FGFR3: variants seen among roughly 807,000 people sequenced by gnomAD.
FGFR3 encodes fibroblast growth factor receptor 3, also known as FGFR-3.
In FGFR3, 25 loss-of-function variants were observed where a neutral mutation model predicts 82.9. That is an observed-to-expected ratio of 0.30 (90% CI 0.22 to 0.42). The LOEUF (loss-of-function observed/expected upper bound fraction) is 0.42, where lower values mean the gene tolerates loss of function less well. Ranked by LOEUF, FGFR3 falls within the 10% of genes least tolerant of loss-of-function variation. The pLI is 1.00. For synonymous variants in FGFR3, 620 were observed against 516.0 expected, an observed-to-expected ratio of 1.20 and a Z score of -2.73; for missense variants, 1,026 against 1,161.0, an observed-to-expected ratio of 0.88 and a Z score of 1.69.
rs774439963 is a variant in FGFR3 at position 1,803,710 on chromosome 4, A to G, written c.949A>G (p.Thr317Ala). 5.6e-6 allele frequency: 9 copies of G among 1,613,726 alleles called. 1 individual carries two copies. The African/African-American group carries it at 8.0e-5, about 14-fold the overall frequency. Reference protein sequence around the residue: ...TVLKTAGANTTDKELEVLSLH... With the variant: ...TVLKTAGANTADKELEVLSLH... Reference sequence around the variant, plus strand: ...TTTGTAGACGGCGGGCGCTAACACCACCGACAAGGAGCTAGAGGTTCTCTC... The same window carrying G: ...TTTGTAGACGGCGGGCGCTAACACCGCCGACAAGGAGCTAGAGGTTCTCTC... The change falls in exon 8 of 18, where the codon ACC becomes GCC. Residue 317 changes from threonine to alanine, a missense_variant. By Grantham distance (58) the Thr-to-Ala change is moderately conservative. This residue lies in a region of FGFR3 where 256 missense variants were observed against 217.6 expected (regional missense o/e 1.18). Coordinates refer to ENST00000440486, the MANE Select transcript of FGFR3 (RefSeq NM_000142.5).
At chr4:1,804,758 C>T (rs576340291) in intron 9 of FGFR3, 66 bp from the exon 10 acceptor site, 7 of 1,542,668 alleles carry the variant, frequency 4.5e-6, no homozygotes, top group South Asian at 3.6e-5. Flanking sequence ...CCAGCACTGA[C>T]CCCCGGCTGT....
intron 9 of FGFR3, 128 bp from the exon 10 acceptor site, chr4:1,804,696 C>A: frequency 7.0e-7 from 1 of 1,438,458 alleles, no homozygotes; most frequent in Non-Finnish European, 9.5e-7. Flanking sequence ...ACGAAACATT[C>A]TAAAAATCTT....
At chr4:1,799,573 C>T in intron 3 of FGFR3, 50 bp downstream of exon 3, 2 of 1,549,638 alleles carry the variant, frequency 1.3e-6, no homozygotes, top group Non-Finnish European at 1.7e-6. Flanking sequence ...GTGCCGGGCT[C>T]CCTGAGTCCC....
intron 8 of FGFR3, 134 bp downstream of exon 8, chr4:1,803,970 C>A: frequency 1.8e-6 from 2 of 1,099,656 alleles, no homozygotes; most frequent in South Asian, 1.3e-5. Context: ...ACTCCTGGCC[C>A]TGTGCCCAGT....
chr4:1,801,249 T>C (rs542056266), intron 4 of FGFR3, 118 bp from the exon 5 acceptor site: 2 of 1,183,942 alleles, frequency 1.7e-6, no homozygotes, highest in Admixed American at 2.0e-5. Flanking sequence ...GCCCTCTTCC[T>C]ACACAGGACG....
At position 1,804,393 on chromosome 4, in the gene FGFR3, G is replaced by T. The variant is rs1156685556; in HGVS notation, c.1139G>T (p.Gly380Val). The change falls in exon 9 of 18, where the codon GGG (glycine) becomes GTG (valine). Residue 380 changes from glycine (G) to valine (V), a missense_variant. Physicochemically the swap from Gly to Val is moderately radical, Grantham distance 109 (BLOSUM62 -3). Transcript: ENST00000440486. ...GTGTATGCAGGCATCCTCAGCTACG[G>T]GGTGGGCTTCTTCCTGTTCATCCTG... Reference protein sequence around the residue: ...GSVYAGILSYGVGFFLFILVV... With the variant: ...GSVYAGILSYVVGFFLFILVV... The T allele has an allele frequency of 1.9e-6, 3 of 1,613,194 alleles. No homozygotes were observed. The East Asian group carries it at 6.7e-5, about 36-fold the overall frequency.
rs1721900951 is a variant in FGFR3 at position 1,806,242 on chromosome 4, C to T, written c.1960-15C>T. On this transcript the variant is annotated splice_polypyrimidine_tract_variant and intron_variant, in intron 14 of 17. Coordinates refer to ENST00000440486, the MANE Select transcript of FGFR3 (RefSeq NM_000142.5). ...GGACGCCTGGCGCCAACACCGCCTT[C>T]CCACACCCTCCCAGGGCCGGCTGCC... is the stretch of plus-strand genomic sequence containing the variant. 5 of 1,612,988 alleles carry T rather than the reference C, an allele frequency of 3.1e-6. No individual in the cohort carries two copies. The highest frequency in any genetic ancestry group is 1.7e-6 in the Non-Finnish European group (2 of 1,179,958).
intron 7 of FGFR3, chr4:1,802,769 A>G: frequency 9.8e-7 from 1 of 1,016,308 alleles, no homozygotes; most frequent in Non-Finnish European, 1.4e-6. Flanking sequence ...AGCCACCGTG[A>G]AGTGCCTCCA....
At chr4:1,796,971 G>A (rs562471991) in intron 2 of FGFR3, among the ~76,000 whole-genome samples, 1 of 152,282 alleles carries the variant, frequency 6.6e-6, no homozygotes, top group South Asian at 2.1e-4. Flanking sequence ...GGCATGTGGA[G>A]CCCAAGTTGA....
In FGFR3 at chr4:1,806,665, C is replaced by A. The variant is rs749192018; in HGVS notation, c.2150C>A (p.Ala717Asp). ...LKEGHRMDKP[A>D]NCTHDLYMIM... ...GAGGGCCACCGCATGGACAAGCCCG[C>A]CAACTGCACACACGACCTGTGAGTG... The change falls in exon 16 of 18, where the codon GCC becomes GAC. Residue 717 changes from alanine to aspartate, a missense_variant. Physicochemically the swap from Ala to Asp is moderately radical, Grantham distance 126. Transcript: ENST00000440486. 1 of 1,612,864 alleles carries A rather than the reference C, an allele frequency of 6.2e-7. No homozygotes were observed. The highest frequency in any genetic ancestry group is 8.5e-7 in the Non-Finnish European group (1 of 1,179,946).
rs1276448509 is a variant in FGFR3 at position 1,801,400 on chromosome 4, A to C, written c.479A>C (p.Asp160Ala). 1 of 1,556,328 alleles carries C rather than the reference A, an allele frequency of 6.4e-7. No homozygotes were observed. The change falls in exon 5 of 18, where the codon GAC becomes GCC. Residue 160 changes from aspartate (D) to alanine (A), a missense_variant. Asp to Ala is a moderately radical substitution (Grantham distance 126). Coordinates refer to ENST00000440486, the MANE Select transcript of FGFR3 (RefSeq NM_000142.5). ...TACTGGACACGGCCCGAGCGGATGG[A>C]CAAGAAGCTGCTGGCCGTGCCGGCC... ...APYWTRPERM[D>A]KKLLAVPAAN...
At chr4:1,804,559 C>G (rs756264291) in intron 9 of FGFR3, 39 bp downstream of exon 9, 61 of 1,603,822 alleles carry the variant, frequency 3.8e-5, no homozygotes, top group Non-Finnish European at 5.0e-5. Context: ...GCTGCCTGCC[C>G]GCCAGGCCTC....
Position 1,806,696 on chromosome 4 carries a change from C to T in FGFR3, c.2168+13C>T, listed in dbSNP as rs1577293740. On this transcript the variant is annotated intron_variant, in intron 16 of 17. Coordinates refer to ENST00000440486, the MANE Select transcript of FGFR3 (RefSeq NM_000142.5). ...GCACACACGACCTGTGAGTGGCATC[C>T]CTGGCCCTCCACTGGGTCCTCAGGG... 19 of 1,611,688 alleles carry T rather than the reference C, an allele frequency of 1.2e-5. No individual in the cohort carries two copies. The highest frequency in any genetic ancestry group is 1.4e-5 in the Non-Finnish European group (17 of 1,179,878).
rs757808716 is a variant in FGFR3 at position 1,801,974 on chromosome 4, G to C, written c.879G>C (p.Val293=). 5.0e-6 allele frequency: 8 copies of C among 1,612,778 alleles called. No homozygotes were observed. The Admixed American group carries it at 1.3e-4, about 27-fold the overall frequency. The change falls in exon 7 of 18, where the codon GTG becomes GTC. Residue 293 remains valine, a synonymous_variant. Transcript: ENST00000440486. ...PHIQWLKHVE[V]NGSKVGPDGT... is the part of the protein sequence containing the mutation. ...TCCAGTGGCTCAAGCACGTGGAGGT[G>C]AATGGCAGCAAGGTGGGCCCGGACG...
intron 7 of FGFR3, chr4:1,802,925 TGA>T: frequency 6.3e-7 from 1 of 1,598,792 alleles, no homozygotes; most frequent in South Asian, 1.1e-5. Context: ...CCTGGATCAG[TGA>T]GAGTGTGGAG....
rs888179227 is a variant in FGFR3, at chr4:1,808,511, C to T, written c.*1249C>T. ...AGGGGCCGGCCCTGTGTGCAGGTTC[C>T]GATGTTATTAGATGTTACAAGTTTA... On this transcript the variant is annotated 3_prime_UTR_variant, in exon 18 of 18. Transcript: ENST00000440486. 9 of 230,794 alleles carry T rather than the reference C, an allele frequency of 3.9e-5. No homozygotes were observed. In the South Asian group the frequency reaches 5.5e-4, roughly 14 times the overall value. The allele number at this position is 230,794 out of a possible 1,614,324, so 14.3% of individuals were successfully genotyped here.
At chr4:1,805,263 C>T in intron 10 of FGFR3, 92 bp from the exon 11 acceptor site, 1 of 1,584,666 alleles carries the variant, frequency 6.3e-7, no homozygotes, top group South Asian at 1.1e-5. Flanking sequence ...TGGCTCTGGG[C>T]CTCAAGGGCT....
Position 1,799,332 on chromosome 4 carries a change from C to T in FGFR3, c.188C>T (p.Pro63Leu), listed in dbSNP as rs371729802. Residue 63 changes from proline (P) to leucine (L), a missense_variant, in exon 3 of 18, where the codon CCG becomes CTG. By Grantham distance (98) the Pro-to-Leu change is moderately conservative. Coordinates refer to ENST00000440486, the MANE Select transcript of FGFR3 (RefSeq NM_000142.5). Reference sequence around the variant, plus strand: ...GATGCTGTGGAGCTGAGCTGTCCCCCGCCCGGGGGTGGTCCCATGGGGCCC... The same window carrying T: ...GATGCTGTGGAGCTGAGCTGTCCCCTGCCCGGGGGTGGTCCCATGGGGCCC... ...SGDAVELSCP[P>L]PGGGPMGPTV... 60 of 1,612,468 alleles carry T rather than the reference C, an allele frequency of 3.7e-5. No individual in the cohort carries two copies. Among genetic ancestry groups the T allele is most frequent in the African/African-American group, 9.3e-5 (7 of 74,938 alleles).
chr4:1,796,511 C>T (rs1480650787), intron 2 of FGFR3, among the ~76,000 whole-genome samples: 1 of 152,162 alleles, frequency 6.6e-6, no homozygotes, highest in Non-Finnish European at 1.5e-5. Context: ...TTCCTGACCC[C>T]AGGCCCTCAT....
Sources: allele counts gnomAD v4.1 joint callset (sites outside exome capture counted in the v4.1 genomes callset), GRCh38; gene constraint gnomAD v4.1.1; regional missense constraint gnomAD v4.1.1; transcripts MANE v1.5; gene names NCBI Gene and HGNC (gene_info 2026-07-23, HGNC 2026-07-21).